IGSF10: variants seen among roughly 807,000 people sequenced by gnomAD.
IGSF10 encodes calvaria mechanical force protein 608.
Under a neutral mutation model 128.2 loss-of-function variants are expected in IGSF10, and 126 were observed. The observed-to-expected ratio is 0.98, with a 90% confidence interval of 0.85 to 1.14. IGSF10 has a LOEUF of 1.14. Among genes scored for constraint, IGSF10 ranks in the 50% most tolerant of loss-of-function variants. IGSF10 has a pLI of 0.00. For missense variants in IGSF10, 3,295 were observed against 3,149.8 expected (o/e 1.05, Z -1.10); for synonymous variants, 1,185 against 1,146.2 (o/e 1.03, Z -0.68).
At chr3:151,501,646 G>T in the IGSF10 span, among the ~76,000 whole-genome samples, 1 of 151,996 alleles carries the variant, frequency 6.6e-6, no homozygotes, top group African/African-American at 2.4e-5. Context: ...CAAAATGTGT[G>T]AAATGTTGAT....
Position 151,437,184 on chromosome 3 carries a change from G to A in IGSF10, c.7377C>T (p.Ile2459=). Residue 2459 remains isoleucine, a synonymous_variant, in exon 8 of 8, where the codon ATC becomes ATT. Transcript: ENST00000282466. ...SLSLHCVSDG[I]PKPNIKWTMP... ...TAGTCCATTTGATATTTGGCTTAGG[G>A]ATTCCATCAGACACACAATGCAGTG... 1 of 1,614,176 alleles carries A rather than the reference G, an allele frequency of 6.2e-7. No homozygotes were observed. Among genetic ancestry groups the A allele is most frequent in the Non-Finnish European group, 8.5e-7 (1 of 1,180,016 alleles).
the IGSF10 span, among the ~76,000 whole-genome samples, chr3:151,477,092 A>C: frequency 0.42 from 64,112 of 152,014 alleles, 14,321 homozygotes; most frequent in African/African-American, 0.58. Flanking sequence ...AGAATTTTGA[A>C]TAGGGTAAGG....
chr3:151,524,210 A>T, the IGSF10 span, among the ~76,000 whole-genome samples: 1 of 152,176 alleles, frequency 6.6e-6, no homozygotes, highest in Admixed American at 6.5e-5. Context: ...TCATTGTGGA[A>T]AGAAGCATAG....
At chr3:151,440,745 A>G in intron 7 of IGSF10, 3 of 436,194 alleles carry the variant, frequency 6.9e-6, no homozygotes, top group South Asian at 4.8e-5. Context: ...ATTTGACTTA[A>G]TATGTGTGCA....
the IGSF10 span, among the ~76,000 whole-genome samples, chr3:151,579,402 G>T: frequency 1.3e-5 from 2 of 152,218 alleles, no homozygotes; most frequent in East Asian, 1.9e-4. Flanking sequence ...TTCAGGTAGA[G>T]AATTTAAAAA....
chr3:151,471,685 C>A, the IGSF10 span, among the ~76,000 whole-genome samples: 2 of 152,196 alleles, frequency 1.3e-5, no homozygotes, highest in African/African-American at 4.8e-5. Flanking sequence ...CAAAAATTGA[C>A]TCAAAGTAGA....
chr3:151,615,306 A>G, the IGSF10 span, among the ~76,000 whole-genome samples: 6 of 152,096 alleles, frequency 3.9e-5, no homozygotes, highest in Non-Finnish European at 7.4e-5. Context: ...CTATATCACT[A>G]TTTTTAATTT....
chr3:151,578,290 G>T, the IGSF10 span, among the ~76,000 whole-genome samples: 1 of 152,184 alleles, frequency 6.6e-6, no homozygotes, highest in East Asian at 1.9e-4. Flanking sequence ...GATAGTAATA[G>T]TAAATATTTT....
chr3:151,563,937 G>GT, the IGSF10 span, among the ~76,000 whole-genome samples: 1 of 152,168 alleles, frequency 6.6e-6, no homozygotes, highest in Admixed American at 6.6e-5. Context: ...GCACAGACAG[G>GT]TTGGGGAAGC....
the IGSF10 span, among the ~76,000 whole-genome samples, chr3:151,514,351 G>C: frequency 5.9e-5 from 9 of 152,204 alleles, no homozygotes; most frequent in South Asian, 4.1e-4. Context: ...ACAAACCTGA[G>C]AAAAACAAGC....
the IGSF10 span, among the ~76,000 whole-genome samples, chr3:151,487,126 C>A: frequency 6.6e-6 from 1 of 151,920 alleles, no homozygotes; most frequent in South Asian, 2.1e-4. Flanking sequence ...CAAATAGGTG[C>A]AATAAAAAAT....
upstream of IGSF10, among the ~76,000 whole-genome samples, chr3:151,463,951 T>A (rs1722186251): frequency 1.3e-5 from 2 of 152,232 alleles, no homozygotes; most frequent in South Asian, 4.1e-4. Flanking sequence ...TAATGCAATA[T>A]GTTTCTATAG....
the IGSF10 span, among the ~76,000 whole-genome samples, chr3:151,503,711 A>C: frequency 3.9e-5 from 6 of 152,316 alleles, no homozygotes; most frequent in Non-Finnish European, 7.4e-5. Flanking sequence ...TGCACGCCAA[A>C]TTGGCTAAAT....
In IGSF10 at chr3:151,447,448, C is replaced by G; in HGVS notation, c.2533G>C (p.Val845Leu). 1 of 1,614,114 alleles carries G rather than the reference C, an allele frequency of 6.2e-7. No individual in the cohort carries two copies. The highest frequency in any genetic ancestry group is 8.5e-7 in the Non-Finnish European group (1 of 1,179,994). ...NINYGTEFSP[V>L]VNSQILPPEE... ...GGTGGTAGTATTTGTGAATTCACAA[C>G]AGGAGAGAATTCTGTGCCATAATTT... The change falls in exon 6 of 8, where the codon GTT (valine) becomes CTT (leucine). Residue 845 changes from valine (V) to leucine (L), a missense_variant. Physicochemically the swap from Val to Leu is conservative, Grantham distance 32 (BLOSUM62 1). Coordinates refer to ENST00000282466, the MANE Select transcript of IGSF10 (RefSeq NM_178822.5).
chr3:151,442,972 G>T lies in IGSF10; in HGVS notation c.5963+12C>A. ...TAAAGCAGATAATTCCAACCCAAAG[G>T]TATAGACTTACCTATGCTGCTGGTC... On this transcript the variant is annotated intron_variant, in intron 7 of 7. Transcript: ENST00000282466. 1 of 1,608,566 alleles carries T rather than the reference G, an allele frequency of 6.2e-7. No individual in the cohort carries two copies. The highest frequency in any genetic ancestry group is 8.5e-7 in the Non-Finnish European group (1 of 1,177,222).
At position 151,445,643 on chromosome 3, in the gene IGSF10, T is replaced by C. The variant is rs1196331423; in HGVS notation, c.4338A>G (p.Ser1446=). ...CTTTCCTAGTTGTGGTACTCTGGTGTGATTTGCTGGACAAAGTTGTTTCAG... is the reference window on the plus strand; with the variant it reads ...CTTTCCTAGTTGTGGTACTCTGGTGCGATTTGCTGGACAAAGTTGTTTCAG... The part of the protein sequence containing the change: ...IASETTLSSK[S]HQSTTTRKAI... The change falls in exon 6 of 8, where the codon TCA becomes TCG. Residue 1446 remains serine, a synonymous_variant. Transcript: ENST00000282466. 1 of 1,614,240 alleles carries C rather than the reference T, an allele frequency of 6.2e-7. No individual in the cohort carries two copies. Among genetic ancestry groups the C allele is most frequent in the Admixed American group, 1.7e-5 (1 of 60,036 alleles).
upstream of IGSF10, among the ~76,000 whole-genome samples, chr3:151,465,715 C>G (rs1314378683): frequency 6.6e-6 from 1 of 152,166 alleles, no homozygotes; most frequent in Non-Finnish European, 1.5e-5. Context: ...CTTATGACAT[C>G]TGTCATACTA....
the IGSF10 span, among the ~76,000 whole-genome samples, chr3:151,590,223 T>C: frequency 6.6e-6 from 1 of 152,074 alleles, no homozygotes; most frequent in African/African-American, 2.4e-5. Flanking sequence ...AAATTTTTTG[T>C]AGAGACAGGT....
intron 7 of IGSF10, among the ~76,000 whole-genome samples, chr3:151,441,396 A>T (rs892258967): frequency 2.0e-5 from 3 of 152,348 alleles, no homozygotes; most frequent in Admixed American, 2.0e-4. Context: ...AAAAATTCTA[A>T]ATCTAAACAA....
Sources: allele counts gnomAD v4.1 joint callset (sites outside exome capture counted in the v4.1 genomes callset), GRCh38; gene constraint gnomAD v4.1.1; transcripts MANE v1.5; gene names NCBI Gene and HGNC (gene_info 2026-07-23, HGNC 2026-07-21).